The following VWF variants were observed in gnomAD, a reference collection of about 807,000 sequenced individuals.
VWF encodes the protein Factor VIII related antigen.
A neutral mutation model predicts 308.6 loss-of-function variants in VWF; 176 were observed. That is an observed-to-expected ratio of 0.57 (90% CI 0.50 to 0.65). The LOEUF is 0.65. VWF is among the 30% of genes least tolerant of loss of function. The pLI, the probability that VWF is intolerant of heterozygous loss-of-function variation, is 0.00. For missense variants in VWF, 3,146 were observed against 3,648.2 expected (o/e 0.86, Z 3.55); for synonymous variants, 1,385 against 1,443.4 (o/e 0.96, Z 0.92).
At chr12:6,070,818 G>A (rs1944770747) in intron 10 of VWF, among the ~76,000 whole-genome samples, 1 of 152,188 alleles carries the variant, frequency 6.6e-6, no homozygotes, top group Admixed American at 6.5e-5. Flanking sequence ...AGGATGGGAG[G>A]AATCATTTGG....
intron 20 of VWF, among the ~76,000 whole-genome samples, chr12:6,032,813 TAC>T (rs748172398): frequency 1.3e-5 from 2 of 150,934 alleles, no homozygotes; most frequent in South Asian, 4.2e-4. Flanking sequence ...TATGTACTCA[TAC>T]ACACACTCAC....
chr12:6,032,525 CTACTAGG>C (rs919714630), intron 20 of VWF, among the ~76,000 whole-genome samples: 12 of 149,034 alleles, frequency 8.1e-5, no homozygotes, highest in Non-Finnish European at 1.3e-4. Context: ...GTAGTCCCAG[CTACTAGG>C]GAGGCCGAGG....
intron 28 of VWF, among the ~76,000 whole-genome samples, chr12:6,017,343 C>T (rs530542120): frequency 2.6e-5 from 4 of 152,304 alleles, no homozygotes; most frequent in Non-Finnish European, 4.4e-5. Flanking sequence ...CCTAGTGCTC[C>T]TGTTAGTGTC....
intron 47 of VWF, among the ~76,000 whole-genome samples, chr12:5,957,233 G>A (rs1425042603): frequency 3.9e-5 from 6 of 152,084 alleles, no homozygotes; most frequent in Admixed American, 1.3e-4. Flanking sequence ...TGCACTCCAC[G>A]ATCTTTGCAC....
At chr12:6,093,797 C>A (rs1945076369) in intron 6 of VWF, among the ~76,000 whole-genome samples, 1 of 152,322 alleles carries the variant, frequency 6.6e-6, no homozygotes, top group Admixed American at 6.5e-5. Context: ...GCACAAAGAC[C>A]ATCTTTACCT....
intron 47 of VWF, chr12:5,953,978 T>C: frequency 4.4e-6 from 1 of 227,316 alleles, no homozygotes; most frequent in South Asian, 6.8e-5. Context: ...GTAAGTGGCG[T>C]TAATCACCCA....
At position 6,045,386 on chromosome 12, in the gene VWF, C is replaced by T. The variant is rs560668086; in HGVS notation, c.2282-935G>A. Among the ~76,000 whole-genome samples the T allele has an allele frequency of 5.3e-5, 8 of 152,364 alleles. No homozygotes were observed. The South Asian group carries it at 1.7e-3, about 32-fold the overall frequency. On this transcript the variant is annotated intron_variant, in intron 17 of 51. Transcript: ENST00000261405. ...GCTTTTCCCAATCTGCACAGAATCC[C>T]AGGAGTTTCCTGACTTTGAAAAATA...
At chr12:5,952,831 C>T (rs986544425) in intron 48 of VWF, among the ~76,000 whole-genome samples, 14 of 152,344 alleles carry the variant, frequency 9.2e-5, no homozygotes, top group Non-Finnish European at 2.1e-4. Flanking sequence ...GGAACTACCT[C>T]CCAGCCCCAC....
In VWF at chr12:6,060,381, G is replaced by A. The variant is rs1944640775; in HGVS notation, c.1534-2337C>T. ...TAACACACCCAGGGGAAGGAGACCG[G>A]GGGGCCCCTAGCTGCACCTCCTCTT... On this transcript the variant is annotated intron_variant, in intron 13 of 51. Coordinates refer to ENST00000261405, the MANE Select transcript of VWF (RefSeq NM_000552.5). The surrounding 1 kb of genome is among the most constrained non-coding windows in gnomAD (Gnocchi z 5.1). Among the ~76,000 whole-genome samples the A allele has an allele frequency of 6.6e-6, 1 of 151,976 alleles. No individual in the cohort carries two copies. The highest frequency in any genetic ancestry group is 2.1e-4 in the South Asian group (1 of 4,818).
chr12:5,994,460 G>A lies in VWF; in HGVS notation c.6211C>T (p.Gln2071Ter). 2 of 1,614,194 alleles carry A rather than the reference G, an allele frequency of 1.2e-6. No homozygotes were observed. Among genetic ancestry groups the A allele is most frequent in the Non-Finnish European group, 1.7e-6 (2 of 1,180,040 alleles). The change falls in exon 36 of 52, where the codon CAG becomes TAG. Residue 2071 changes from glutamine to a stop codon, truncating the protein, a stop_gained. Transcript: ENST00000261405. LOFTEE classifies it high-confidence loss of function. ...GAAGCAAAAGTCTTGGGGCTGAGCT[G>A]CAGTTGGAACTCATTGTTTTGTGGA... The part of the protein sequence containing the change: ...FTPQNNEFQL[Q>*]LSPKTFASKT...
intron 34 of VWF, among the ~76,000 whole-genome samples, chr12:5,997,991 T>C (rs1335975313): frequency 2.0e-5 from 3 of 152,174 alleles, no homozygotes; most frequent in Non-Finnish European, 2.9e-5. Context: ...CCTGAAATCA[T>C]TTTATCTCAT....
At chr12:6,077,713 G>C (rs1944861932) in intron 6 of VWF, among the ~76,000 whole-genome samples, 1 of 152,162 alleles carries the variant, frequency 6.6e-6, no homozygotes, top group African/African-American at 2.4e-5. Flanking sequence ...CACTGTTGTG[G>C]GTCCCGGGAC....
intron 37 of VWF, among the ~76,000 whole-genome samples, chr12:5,992,642 G>A (rs1943758390): frequency 1.3e-5 from 2 of 152,192 alleles, no homozygotes; most frequent in African/African-American, 4.8e-5. Flanking sequence ...TGCTTGAAAA[G>A]CATCTTTAAA....
intron 32 of VWF, among the ~76,000 whole-genome samples, chr12:6,012,765 G>A (rs1455623343): frequency 4.0e-5 from 6 of 150,286 alleles, no homozygotes; most frequent in East Asian, 3.9e-4. Context: ...ACAGTGGCGC[G>A]ATCTCGGCTC....
chr12:5,980,175 G>GA (rs1943587575), intron 42 of VWF, among the ~76,000 whole-genome samples: 1 of 49,362 alleles, frequency 2.0e-5, no homozygotes, highest in East Asian at 1.2e-3. Context: ...GGGAGGGAGG[G>GA]AGGGAGGGAG....
chr12:6,089,962 CTTT>C (rs56198206), intron 6 of VWF, among the ~76,000 whole-genome samples: 1 of 150,648 alleles, frequency 6.6e-6, no homozygotes, highest in African/African-American at 2.4e-5. Context: ...CCTCTTTTTT[CTTT>C]TTTTTTGTTT....
intron 3 of VWF, 140 bp from the exon 4 acceptor site, chr12:6,111,108 C>T (rs1945303968): frequency 8.4e-6 from 6 of 718,100 alleles, no homozygotes; most frequent in Non-Finnish European, 1.2e-5. Flanking sequence ...ACAAAAATCT[C>T]CCTAAAAATC....
intron 13 of VWF, among the ~76,000 whole-genome samples, chr12:6,062,343 T>C (rs961521024): frequency 1.3e-5 from 2 of 152,018 alleles, no homozygotes; most frequent in African/African-American, 4.8e-5. Context: ...TGCTGCACCA[T>C]CCCTCCACTT....
intron 30 of VWF, 74 bp downstream of exon 30, chr12:6,016,442 G>A: frequency 2.0e-6 from 3 of 1,529,246 alleles, no homozygotes; most frequent in Non-Finnish European, 2.7e-6. Flanking sequence ...ACTGGCCGAG[G>A]TCACACAGTC....
Sources: allele counts gnomAD v4.1 joint callset (sites outside exome capture counted in the v4.1 genomes callset), GRCh38; gene constraint gnomAD v4.1.1; non-coding constraint Gnocchi (gnomAD v3.1); transcripts MANE v1.5; gene names NCBI Gene and HGNC (gene_info 2026-07-23, HGNC 2026-07-21).